Variants in KCNN2 observed in about 807,000 individuals in gnomAD.
KCNN2 encodes the protein small conductance calcium-activated potassium channel protein 2.
In KCNN2, 24 loss-of-function variants were observed where a neutral mutation model predicts 55.5. The observed-to-expected ratio is 0.43, with a 90% CI of 0.31 to 0.61. The LOEUF is 0.61. KCNN2 is among the 20% of genes least tolerant of loss of function. The pLI, the probability that KCNN2 is intolerant of heterozygous loss-of-function variation, is 0.08. For synonymous variants in KCNN2, 431 were observed against 336.1 expected (o/e 1.28, Z -3.09); for missense variants, 754 against 853.6 (o/e 0.88, Z 1.45).
At chr5:114,345,566 A>G (rs1324527075) in intron 2 of KCNN2, among the ~76,000 whole-genome samples, 1 of 152,208 alleles carries the variant, frequency 6.6e-6, no homozygotes, top group Non-Finnish European at 1.5e-5. Context: ...GATAAGAACA[A>G]CACTGAAAGA....
chr5:114,142,543 G>A (rs887543021), intron 1 of KCNN2, among the ~76,000 whole-genome samples: 1 of 152,104 alleles, frequency 6.6e-6, no homozygotes, highest in Non-Finnish European at 1.5e-5. Context: ...AAATCAATGG[G>A]CAAAGATCAC....
intron 2 of KCNN2, among the ~76,000 whole-genome samples, chr5:114,322,988 CTT>C (rs1022500629): frequency 3.9e-5 from 6 of 152,174 alleles, no homozygotes; most frequent in Admixed American, 2.0e-4. Flanking sequence ...ACTCCAGTGT[CTT>C]TTGTTTCCTT....
intron 1 of KCNN2, among the ~76,000 whole-genome samples, chr5:114,105,026 A>G (rs946919588): frequency 6.6e-6 from 1 of 152,054 alleles, no homozygotes; most frequent in African/African-American, 2.4e-5. Context: ...TCATTAATGA[A>G]CGTGTTAAAT....
rs764830365 is a variant in KCNN2, at chr5:114,319,873, A to G, written c.-184-41072A>G. Among the ~76,000 whole-genome samples the G allele has an allele frequency of 3.3e-5, 5 of 152,178 alleles. No homozygotes were observed. The South Asian group carries it at 1.0e-3, about 31-fold the overall frequency. ...TTTATGTGCTAATTGTGACTCATAT[A>G]ATCTGCTTACAGAAACTCTCCATTT... On this transcript the variant is annotated intron_variant, in intron 2 of 10. Transcript: ENST00000512097.
At chr5:114,390,103 A>C (rs959603287) in intron 2 of KCNN2, among the ~76,000 whole-genome samples, 22 of 152,188 alleles carry the variant, frequency 1.4e-4, no homozygotes, top group African/African-American at 5.3e-4. Flanking sequence ...AAAATAACTA[A>C]GGTGATGCTA....
intron 2 of KCNN2, among the ~76,000 whole-genome samples, chr5:114,270,049 A>C (rs965332294): frequency 6.6e-6 from 1 of 152,196 alleles, no homozygotes; most frequent in South Asian, 2.1e-4. Flanking sequence ...TTGGTCTGAT[A>C]CTTGGAGAGT....
intron 2 of KCNN2, among the ~76,000 whole-genome samples, chr5:114,285,951 C>A (rs2061331): frequency 0.19 from 28,932 of 149,924 alleles, 2,928 homozygotes; most frequent in South Asian, 0.24. Flanking sequence ...CGGAGTTTCA[C>A]CCTTGTTGCC....
chr5:114,191,594 A>T (rs901504897), intron 1 of KCNN2, among the ~76,000 whole-genome samples: 1 of 152,180 alleles, frequency 6.6e-6, no homozygotes, highest in Non-Finnish European at 1.5e-5. Flanking sequence ...GCTATGGATG[A>T]TCTGTGTTTA....
chr5:114,398,132 G>A (rs1016745803), intron 2 of KCNN2, among the ~76,000 whole-genome samples: 1 of 152,090 alleles, frequency 6.6e-6, no homozygotes, highest in Admixed American at 6.6e-5. Context: ...ATATTTCCTA[G>A]GTTATAGTAC....
chr5:114,309,306 C>T (rs73779790), intron 2 of KCNN2, among the ~76,000 whole-genome samples: 4,986 of 152,196 alleles, frequency 0.033, 275 homozygotes, highest in African/African-American at 0.11. Flanking sequence ...TAACTAGGCT[C>T]AATTATCAAG....
At chr5:114,058,496 G>A (rs1750258153) in intron 1 of KCNN2, among the ~76,000 whole-genome samples, 2 of 152,072 alleles carry the variant, frequency 1.3e-5, no homozygotes, top group South Asian at 4.1e-4. Flanking sequence ...AGTATGACAG[G>A]GCATGCTTGG....
At position 114,362,620 on chromosome 5, in the gene KCNN2, C is replaced by G. The variant is rs1757464901; in HGVS notation, c.481C>G (p.His161Asp). ...SASASQYHQC[H>D]SLQPAASPTG... ...GTCCGCCTCCCAGTACCACCAGTGC[C>G]ACAGCCTGCAGCCCGCCGCCAGCCC... is the stretch of plus-strand genomic sequence containing the variant. The change falls in exon 1 of 8, where the codon CAC (histidine) becomes GAC (aspartate). Residue 161 changes from histidine (H) to aspartate (D), a missense_variant. By Grantham distance (81) the His-to-Asp change is moderately conservative. This residue lies in a region of KCNN2 where 381 missense variants were observed against 259.1 expected (regional missense o/e 1.47). Transcript: ENST00000673685. 6.7e-6 allele frequency: 7 copies of G among 1,038,952 alleles called. No individual in the cohort carries two copies. The South Asian group carries it at 1.2e-4, about 18-fold the overall frequency. 64.4% of individuals were successfully genotyped at this position (1,038,952 alleles called of 1,614,324 possible).
intron 2 of KCNN2, among the ~76,000 whole-genome samples, chr5:114,388,604 T>G (rs188824238): frequency 1.1e-3 from 174 of 152,306 alleles, no homozygotes; most frequent in African/African-American, 4.0e-3. Flanking sequence ...TACTTGTTTC[T>G]TTCTTTAGCT....
At chr5:114,287,283 A>G (rs771348584) in intron 2 of KCNN2, among the ~76,000 whole-genome samples, 2 of 152,236 alleles carry the variant, frequency 1.3e-5, no homozygotes, top group East Asian at 1.9e-4. Flanking sequence ...TCATTCTACT[A>G]TAAAGACACA....
chr5:114,117,245 G>T (rs577369511), intron 1 of KCNN2, among the ~76,000 whole-genome samples: 1 of 152,134 alleles, frequency 6.6e-6, no homozygotes, highest in Non-Finnish European at 1.5e-5. Context: ...CCTGCATTGG[G>T]TGTGGCCACT....
chr5:114,163,535 A>C (rs920090144), intron 1 of KCNN2, among the ~76,000 whole-genome samples: 1 of 152,192 alleles, frequency 6.6e-6, no homozygotes, highest in African/African-American at 2.4e-5. Flanking sequence ...TTCTGCATCT[A>C]TTGAGATCAT....
At position 114,100,371 on chromosome 5, in the gene KCNN2, G is replaced by A. The variant is rs958755974; in HGVS notation, c.-271+43871G>A. Among the ~76,000 whole-genome samples, 6 of 152,198 alleles carry A rather than the reference G, an allele frequency of 3.9e-5. No individual in the cohort carries two copies. In the South Asian group the frequency reaches 1.2e-3, roughly 32 times the overall value. On this transcript the variant is annotated intron_variant, in intron 1 of 10. Transcript: ENST00000512097. The stretch of plus-strand genomic sequence containing the variant: ...ATGAATCCCAAAGAAATATTAATTT[G>A]TTAAGTTTCTTGTTGGAATAGTATT...
At chr5:114,425,362 T>C (rs1759589439) in intron 3 of KCNN2, among the ~76,000 whole-genome samples, 1 of 152,116 alleles carries the variant, frequency 6.6e-6, no homozygotes. Context: ...CAGTCAGAAA[T>C]TTCTGGACTG....
chr5:114,280,933 C>A (rs567392541), intron 2 of KCNN2, among the ~76,000 whole-genome samples: 1 of 152,266 alleles, frequency 6.6e-6, no homozygotes, highest in South Asian at 2.1e-4. Flanking sequence ...GCCAACCTGA[C>A]CTTTTTCTTT....
Sources: gnomAD v4.1 joint callset for allele counts (sites outside exome capture counted in the v4.1 genomes callset) on GRCh38, gnomAD v4.1.1 for gene constraint, gnomAD v4.1.1 regional missense constraint, MANE v1.5 for transcripts, NCBI Gene and HGNC (gene_info 2026-07-23, HGNC 2026-07-21) for gene names.